ABCA1: variants seen among roughly 807,000 people sequenced by gnomAD.
ABCA1 encodes the protein ATP binding cassette subfamily A member 1.
Under a neutral mutation model 262.5 loss-of-function variants are expected in ABCA1, and 133 were observed. That is an observed-to-expected ratio of 0.51 (90% CI 0.44 to 0.59). ABCA1 has a LOEUF of 0.59. Among genes scored for constraint, ABCA1 ranks in the 20% least tolerant of loss-of-function variants. The pLI, the probability that ABCA1 is intolerant of heterozygous loss-of-function variation, is 0.00. For synonymous variants in ABCA1, 1,022 were observed against 1,043.5 expected (o/e 0.98, Z 0.40); for missense variants, 2,452 against 2,777.5 (o/e 0.88, Z 2.63).
At chr9:104,840,185 C>T (rs532282329) in intron 9 of ABCA1, 94 bp downstream of exon 9, 197 of 1,602,700 alleles carry the variant, frequency 1.2e-4, no homozygotes, top group Admixed American at 7.2e-4. Context: ...AGACATCTAA[C>T]GCTGCTACAG....
chr9:104,856,063 G>A, intron 7 of ABCA1: 1 of 1,606,976 alleles, frequency 6.2e-7, no homozygotes, highest in Admixed American at 1.7e-5. Flanking sequence ...CTGCCCATGT[G>A]CAATGTCATC....
intron 14 of ABCA1, 90 bp from the exon 15 acceptor site, chr9:104,829,228 G>C: frequency 1.5e-6 from 2 of 1,301,064 alleles, no homozygotes; most frequent in Non-Finnish European, 2.2e-6. Context: ...CATGCTAGAG[G>C]GAGCACCACA....
rs1830510773 is a variant in ABCA1, at chr9:104,803,466, AAAG to A, written c.4560-153_4560-151del. On this transcript the variant is annotated intron_variant, in intron 32 of 49. Transcript: ENST00000374736. The stretch of plus-strand genomic sequence containing the variant: ...TGGCCTTGTAGGGTTGTGCTAGAGA[AAAG>A]AAGCCTGTGTTCAGGCCTCTTCCAG... 6.2e-6 allele frequency: 5 copies of A among 800,662 alleles called. No homozygotes were observed. In the Admixed American group the frequency reaches 1.1e-4, roughly 17 times the overall value. The allele number at this position is 800,662 out of a possible 1,614,324, so 49.6% of individuals were successfully genotyped here.
intron 2 of ABCA1, among the ~76,000 whole-genome samples, chr9:104,901,071 G>C (rs184005823): frequency 7.9e-4 from 120 of 152,318 alleles, no homozygotes; most frequent in African/African-American, 2.8e-3. Flanking sequence ...AACAAGACCA[G>C]TGGAGTCTGG....
chr9:104,784,659 C>T (rs1828755439), intron 49 of ABCA1, among the ~76,000 whole-genome samples: 1 of 151,946 alleles, frequency 6.6e-6, no homozygotes. Flanking sequence ...TTTTTTCCCC[C>T]CTTGAAATGG....
rs751049570 is a variant in ABCA1, at chr9:104,784,318, T to C, written c.6783A>G (p.Val2261=). ...LQDEKVKESY[V] ...CACCCCGTATGAACAGGATTCTTCA[T>C]ACATAGCTTTCTTTCACTTTCTCAT... Residue 2261 remains valine, a synonymous_variant, in exon 50 of 50, where the codon GTA becomes GTG. Transcript: ENST00000374736. 25 of 1,614,032 alleles carry C rather than the reference T, an allele frequency of 1.5e-5. No homozygotes were observed. Among genetic ancestry groups the C allele is most frequent in the Admixed American group, 6.7e-5 (4 of 60,018 alleles).
chr9:104,820,181 T>C, intron 20 of ABCA1, 112 bp from the exon 21 acceptor site: 1 of 1,345,186 alleles, frequency 7.4e-7, no homozygotes. Flanking sequence ...CCGTGCTTTT[T>C]AAAATAACTT....
rs143626002 is a variant in ABCA1, at chr9:104,825,886, C to T, written c.2339G>A (p.Ser780Asn). Residue 780 changes from serine to asparagine, a missense_variant and splice_region_variant, in exon 17 of 50, where the codon AGC (serine) becomes AAC (asparagine). Ser to Asn is a conservative substitution (Grantham distance 46). Transcript: ENST00000374736. Reference protein sequence around the residue: ...YVGFTLKIFASLLSPVAFGFG... With the variant: ...YVGFTLKIFANLLSPVAFGFG... ...CCCAAAAGCCACAGGAGACAGCAGG[C>T]TCTGTGAGAAACAGGCAAAGTCACC... is the stretch of plus-strand genomic sequence containing the variant. 6 of 1,613,758 alleles carry T rather than the reference C, an allele frequency of 3.7e-6. No homozygotes were observed. Among genetic ancestry groups the T allele is most frequent in the African/African-American group, 1.3e-5 (1 of 74,920 alleles).
At chr9:104,894,891 T>C (rs1564266724) in intron 2 of ABCA1, among the ~76,000 whole-genome samples, 1 of 152,364 alleles carries the variant, frequency 6.6e-6, no homozygotes, top group East Asian at 1.9e-4. Context: ...CTTCCCATCA[T>C]TGAACCTAGA....
chr9:104,894,506 T>C (rs1840036126), intron 2 of ABCA1, among the ~76,000 whole-genome samples: 1 of 152,244 alleles, frequency 6.6e-6, no homozygotes, highest in Non-Finnish European at 1.5e-5. Context: ...TTTATACACA[T>C]TAACTCATTT....
intron 8 of ABCA1, 138 bp from the exon 9 acceptor site, chr9:104,840,657 G>C (rs1434940503): frequency 1.1e-6 from 1 of 942,980 alleles, no homozygotes; most frequent in Non-Finnish European, 1.6e-6. Context: ...TATTTTGTCT[G>C]ATGTCATCTC....
Position 104,788,567 on chromosome 9 carries a change from A to G in ABCA1, c.5928T>C (p.Ser1976=). ...TRGDAFLNKN[S]ILSNIHEVHQ... ...GTACTTCATGGATGTTTGATAAGAT[A>G]CTGCAAAGGACAAGAAAACTACTTA... The change falls in exon 45 of 50, where the codon AGT becomes AGC. Residue 1976 remains serine, a splice_region_variant and synonymous_variant. Coordinates refer to ENST00000374736, the MANE Select transcript of ABCA1 (RefSeq NM_005502.4). 6.2e-7 allele frequency: 1 copy of G among 1,614,178 alleles called. No individual in the cohort carries two copies. Among genetic ancestry groups the G allele is most frequent in the Non-Finnish European group, 8.5e-7 (1 of 1,180,010 alleles).
At chr9:104,788,689 C>A in intron 44 of ABCA1, 122 bp from the exon 45 acceptor site, 1 of 1,271,894 alleles carries the variant, frequency 7.9e-7, no homozygotes, top group Non-Finnish European at 1.1e-6. Context: ...ACATCTGCTG[C>A]TACTTGAAAG....
intron 33 of ABCA1, 51 bp from the exon 34 acceptor site, chr9:104,802,210 A>T: frequency 6.7e-7 from 1 of 1,498,548 alleles, no homozygotes; most frequent in Admixed American, 1.7e-5. Context: ...GCACAGTATC[A>T]TCAGCAGCAG....
intron 24 of ABCA1, 95 bp from the exon 25 acceptor site, chr9:104,816,440 G>T: frequency 8.7e-7 from 1 of 1,143,564 alleles, no homozygotes; most frequent in Non-Finnish European, 1.3e-6. Flanking sequence ...GAGGCCTGCC[G>T]CTCATACACC....
chr9:104,917,702 C>T (rs1049032248), intron 1 of ABCA1, among the ~76,000 whole-genome samples: 9 of 151,876 alleles, frequency 5.9e-5, no homozygotes, highest in Non-Finnish European at 4.4e-5. Flanking sequence ...TGCAGTGAGC[C>T]GAGGTGGTGC....
intron 7 of ABCA1, among the ~76,000 whole-genome samples, chr9:104,857,834 T>C (rs185401850): frequency 1.3e-5 from 2 of 152,268 alleles, no homozygotes; most frequent in Admixed American, 1.3e-4. Flanking sequence ...ATGATGATGT[T>C]TGGGGTAGCG....
chr9:104,813,192 G>A (rs561487158), intron 27 of ABCA1, among the ~76,000 whole-genome samples: 3 of 152,204 alleles, frequency 2.0e-5, no homozygotes, highest in Non-Finnish European at 4.4e-5. Context: ...ACTGTATGAA[G>A]TCAGGCAGTT....
At chr9:104,788,108 C>G (rs1225335122) in intron 45 of ABCA1, 54 bp from the exon 46 acceptor site, 2 of 1,546,272 alleles carry the variant, frequency 1.3e-6, no homozygotes, top group Non-Finnish European at 1.8e-6. Context: ...TTTTATCATG[C>G]TGTCCTACAC....
Sources: gnomAD v4.1 joint callset for allele counts (sites outside exome capture counted in the v4.1 genomes callset) on GRCh38, gnomAD v4.1.1 for gene constraint, MANE v1.5 for transcripts, NCBI Gene and HGNC (gene_info 2026-07-23, HGNC 2026-07-21) for gene names.